CCT4: variants seen among roughly 807,000 people sequenced by gnomAD.
CCT4 encodes the protein T-complex protein 1 subunit delta.
CCT4 carries 17 observed loss-of-function variants against 62.5 expected under a neutral mutation model. The observed-to-expected ratio is 0.27, with a 90% CI of 0.19 to 0.41. The LOEUF is 0.41. CCT4 is among the 10% of genes least tolerant of loss of function. CCT4 has a pLI of 1.00. For synonymous variants in CCT4, 250 were observed against 229.9 expected, an observed-to-expected ratio of 1.09 and a Z score of -0.79; for missense variants, 592 against 659.2, an observed-to-expected ratio of 0.90 and a Z score of 1.12.
Position 61,888,642 on chromosome 2 carries a change from G to T in CCT4, c.-135C>A. On this transcript the variant is annotated 5_prime_UTR_variant, in exon 1 of 14. Coordinates refer to ENST00000394440, the MANE Select transcript of CCT4 (RefSeq NM_006430.4). ...AAAGCGGCGCCGGCGTCGGGAGGAGGCGGAGGCGGAGAAGGGGGCCTTCCT... is the reference window on the plus strand; with the variant it reads ...AAAGCGGCGCCGGCGTCGGGAGGAGTCGGAGGCGGAGAAGGGGGCCTTCCT... 1 of 1,054,738 alleles carries T rather than the reference G, an allele frequency of 9.5e-7. No individual in the cohort carries two copies. Among genetic ancestry groups the T allele is most frequent in the Non-Finnish European group, 1.3e-6 (1 of 757,418 alleles). 65.3% of individuals were successfully genotyped at this position (1,054,738 alleles called of 1,614,324 possible).
chr2:61,882,208 C>T (rs1216743131), intron 3 of CCT4, among the ~76,000 whole-genome samples: 7 of 152,166 alleles, frequency 4.6e-5, no homozygotes, highest in Admixed American at 2.6e-4. Context: ...GCTGGGATTA[C>T]AGGCACGAGC....
rs1669054169 is a variant in CCT4, at chr2:61,878,897, T to C, written c.494A>G (p.Asn165Ser). Residue 165 changes from asparagine to serine, a missense_variant, in exon 5 of 14, where the codon AAT becomes AGT. Physicochemically the swap from Asn to Ser is conservative, Grantham distance 46. Around this residue, in one of 3 missense-constraint regions of CCT4, gnomAD observed 522 missense variants for 571.2 expected, o/e 0.91. Transcript: ENST00000394440. ...VELSDRETLLNSATTSLNSKV... is the reference protein window; with the variant it reads ...VELSDRETLLSSATTSLNSKV... The stretch of plus-strand genomic sequence containing the variant: ...TGAGTTCAGTGAAGTGGTTGCACTA[T>C]TTAACAAAGTTTCTCTGTCACTCAG... The C allele has an allele frequency of 1.2e-6, 2 of 1,611,160 alleles. No homozygotes were observed. Among genetic ancestry groups the C allele is most frequent in the East Asian group, 4.5e-5 (2 of 44,842 alleles).
intron 1 of CCT4, 134 bp from the exon 2 acceptor site, chr2:61,885,206 T>C (rs1669224044): frequency 5.5e-6 from 3 of 547,744 alleles, no homozygotes; most frequent in Non-Finnish European, 9.2e-6. Flanking sequence ...CCTCCCAGAA[T>C]AGCTGGGAGT....
At chr2:61,881,711 G>A (rs1461894470) in intron 3 of CCT4, among the ~76,000 whole-genome samples, 1 of 151,586 alleles carries the variant, frequency 6.6e-6, no homozygotes, top group Non-Finnish European at 1.5e-5. Flanking sequence ...TTCATGTAAT[G>A]TTTCATTAGT....
intron 3 of CCT4, among the ~76,000 whole-genome samples, chr2:61,882,763 G>A (rs1315323384): frequency 6.6e-6 from 1 of 151,590 alleles, no homozygotes; most frequent in African/African-American, 2.4e-5. Context: ...CTCCCACCTT[G>A]GCCTCCCAAA....
At chr2:61,881,051 G>A (rs969990613) in intron 3 of CCT4, among the ~76,000 whole-genome samples, 1 of 151,868 alleles carries the variant, frequency 6.6e-6, no homozygotes, top group African/African-American at 2.4e-5. Context: ...AGAGTCTTTT[G>A]CCAAGTTTAT....
Position 61,876,931 on chromosome 2 carries a change from G to A in CCT4, c.766C>T (p.Pro256Ser). ...TGGATTCTACTTACGTCTGTTTTGG[G>A]AGCAGATAAGCAAAACTGAATAAGC... ...IGLIQFCLSA[P>S]KTDMDNQIVV... The change falls in exon 7 of 14, where the codon CCC (proline) becomes TCC (serine). Residue 256 changes from proline (P) to serine (S), a missense_variant. Coordinates refer to ENST00000394440, the MANE Select transcript of CCT4 (RefSeq NM_006430.4). The A allele has an allele frequency of 6.2e-7, 1 of 1,611,072 alleles. No homozygotes were observed. The highest frequency in any genetic ancestry group is 8.5e-7 in the Non-Finnish European group (1 of 1,179,008).
At chr2:61,877,745 T>C (rs961743500) in intron 5 of CCT4, among the ~76,000 whole-genome samples, 1 of 152,158 alleles carries the variant, frequency 6.6e-6, no homozygotes, top group African/African-American at 2.4e-5. Flanking sequence ...ATTAATATAA[T>C]AGCCGGGACT....
intron 10 of CCT4, 68 bp downstream of exon 10, chr2:61,872,933 AG>A: frequency 1.1e-6 from 1 of 933,400 alleles, no homozygotes; most frequent in Non-Finnish European, 1.7e-6. Context: ...TCTCAAAAAA[AG>A]AAAAAAAACA....
intron 1 of CCT4, among the ~76,000 whole-genome samples, chr2:61,886,335 C>A (rs978211587): frequency 2.6e-5 from 4 of 152,130 alleles, no homozygotes; most frequent in African/African-American, 9.7e-5. Context: ...CCGCTTGAAC[C>A]CAGGAGGCAG....
Position 61,880,298 on chromosome 2 carries a change from G to A in CCT4, c.367C>T (p.Leu123Phe), listed in dbSNP as rs1669085892. The stretch of plus-strand genomic sequence containing the variant: ...ACATCCTACCCACCTTTCTGAAGAA[G>A]CTTGGTACAAGAATCTAAGAGGGAG... ...AGSLLDSCTK[L>F]LQKGIHPTII... Residue 123 changes from leucine to phenylalanine, a missense_variant, in exon 4 of 14, where the codon CTT (leucine) becomes TTT (phenylalanine). Leu to Phe is a conservative substitution (Grantham distance 22). Transcript: ENST00000394440. 6.4e-7 allele frequency: 1 copy of A among 1,564,156 alleles called. No homozygotes were observed. The highest frequency in any genetic ancestry group is 8.7e-7 in the Non-Finnish European group (1 of 1,151,666).
rs1558506935 is a variant in CCT4 at position 61,880,335 on chromosome 2, G to A, written c.330C>T (p.Val110=). The A allele has an allele frequency of 6.2e-7, 1 of 1,606,882 alleles. No individual in the cohort carries two copies. Among genetic ancestry groups the A allele is most frequent in the South Asian group, 1.1e-5 (1 of 89,146 alleles). The part of the protein sequence containing the change: ...IEAGDGTTSV[V]IIAGSLLDSC... ...AATCTAAGAGGGAGCCAGCAATGAT[G>A]ACTACTGATGTGGTGCCATCTCCTG... The change falls in exon 4 of 14, where the codon GTC becomes GTT. Residue 110 remains valine (V), a synonymous_variant. Transcript: ENST00000394440.
At chr2:61,873,919 T>G (rs1668941583) in intron 8 of CCT4, among the ~76,000 whole-genome samples, 1 of 151,950 alleles carries the variant, frequency 6.6e-6, no homozygotes. Flanking sequence ...CAGGCCGGTC[T>G]TGAACTCAGG....
intron 1 of CCT4, among the ~76,000 whole-genome samples, chr2:61,887,214 C>T (rs1432093467): frequency 6.6e-6 from 1 of 152,196 alleles, no homozygotes; most frequent in Non-Finnish European, 1.5e-5. Flanking sequence ...CTTTCCAACT[C>T]ATTAGGACAA....
intron 4 of CCT4, among the ~76,000 whole-genome samples, chr2:61,879,819 T>C (rs1463476753): frequency 1.3e-5 from 2 of 151,964 alleles, no homozygotes; most frequent in African/African-American, 4.8e-5. Flanking sequence ...CTTGGCTCAC[T>C]GCAACCTCTA....
chr2:61,879,747 CTTTTTT>C (rs543427076), intron 4 of CCT4, among the ~76,000 whole-genome samples: 67 of 144,592 alleles, frequency 4.6e-4, no homozygotes, highest in Admixed American at 7.6e-4. Context: ...CCACTCATTT[CTTTTTT>C]TTTTTTTGAG....
chr2:61,885,111 C>A (rs1189077328), intron 1 of CCT4, 39 bp from the exon 2 acceptor site: 1 of 1,224,890 alleles, frequency 8.2e-7, no homozygotes, highest in Non-Finnish European at 1.1e-6. Context: ...CAAATTAGAA[C>A]TTTTTTTTTT....
rs1016248759 is a variant in CCT4, at chr2:61,872,165, C to T, written c.1408G>A (p.Gly470Ser). The T allele has an allele frequency of 8.7e-6, 14 of 1,613,860 alleles. No individual in the cohort carries two copies. Among genetic ancestry groups the T allele is most frequent in the African/African-American group, 2.7e-5 (2 of 74,884 alleles). The change falls in exon 12 of 14, where the codon GGC (glycine) becomes AGC (serine). Residue 470 changes from glycine to serine, a missense_variant. Gly to Ser is a moderately conservative substitution (Grantham distance 56, BLOSUM62 0). Transcript: ENST00000394440. ...GTTACTGTAGAAATGGGATTCAGGC[C>T]GGCATTTTCAGCTAGTGTAGATGGA... The part of the protein sequence containing the change: ...VIPSTLAENA[G>S]LNPISTVTEL...
Position 61,869,510 on chromosome 2 carries a change from A to G in CCT4, c.1535T>C (p.Leu512Pro). ...NILEELVVQP[L>P]LVSVSALTLA... is the part of the protein sequence containing the mutation. Reference sequence around the variant, plus strand: ...AGTCAGAGCACTGACTGATACCAACAGAGGCTGGACAACCAGTTCCTCCAA... The same window carrying G: ...AGTCAGAGCACTGACTGATACCAACGGAGGCTGGACAACCAGTTCCTCCAA... The change falls in exon 13 of 14, where the codon CTG becomes CCG. Residue 512 changes from leucine (L) to proline (P), a missense_variant. By Grantham distance (98) the Leu-to-Pro change is moderately conservative. Around this residue, in one of 3 missense-constraint regions of CCT4, gnomAD observed 522 missense variants for 571.2 expected, o/e 0.91. Coordinates refer to ENST00000394440, the MANE Select transcript of CCT4 (RefSeq NM_006430.4). 1 of 1,612,576 alleles carries G rather than the reference A, an allele frequency of 6.2e-7. No individual in the cohort carries two copies. The highest frequency in any genetic ancestry group is 8.5e-7 in the Non-Finnish European group (1 of 1,178,554).
Sources: allele counts gnomAD v4.1 joint callset (sites outside exome capture counted in the v4.1 genomes callset), GRCh38; gene constraint gnomAD v4.1.1; regional missense constraint gnomAD v4.1.1; transcripts MANE v1.5; gene names NCBI Gene and HGNC (gene_info 2026-07-23, HGNC 2026-07-21).